DHRS12: variants seen among roughly 807,000 people sequenced by gnomAD.
DHRS12 encodes the protein dehydrogenase/reductase SDR family member 12.
A neutral mutation model predicts 32.1 loss-of-function variants in DHRS12; 29 were observed. The observed-to-expected ratio is 0.90, with a 90% CI of 0.67 to 1.23. The LOEUF (loss-of-function observed/expected upper bound fraction) is 1.23, where lower values mean the gene tolerates loss of function less well. Among genes scored for constraint, DHRS12 ranks in the 50% most tolerant of loss-of-function variants. DHRS12 has a pLI of 0.00. For synonymous variants in DHRS12, 150 were observed against 135.9 expected, an observed-to-expected ratio of 1.10 and a Z score of -0.72; for missense variants, 330 against 337.2, an observed-to-expected ratio of 0.98 and a Z score of 0.17.
downstream of DHRS12, chr13:51,767,750 A>G: frequency 6.9e-6 from 1 of 145,350 alleles, no homozygotes; most frequent in Admixed American, 7.9e-5. Flanking sequence ...GACCATGCAC[A>G]GTAAAGGCAG....
intron 7 of DHRS12, among the ~76,000 whole-genome samples, 196 bp from the exon 8 acceptor site, chr13:51,769,489 T>C (rs1355704869): frequency 6.6e-6 from 1 of 152,172 alleles, no homozygotes; most frequent in Admixed American, 6.5e-5. Context: ...AGGTGTCACC[T>C]GATGGAAAGT....
intron 7 of DHRS12, among the ~76,000 whole-genome samples, chr13:51,769,916 C>T (rs538710731): frequency 1.3e-5 from 2 of 152,328 alleles, no homozygotes; most frequent in Non-Finnish European, 2.9e-5. Flanking sequence ...CCCACGCCTT[C>T]GAGGACCCAG....
intron 7 of DHRS12, 95 bp from the exon 8 acceptor site, chr13:51,769,388 G>A: frequency 3.8e-6 from 4 of 1,042,624 alleles, no homozygotes; most frequent in Non-Finnish European, 5.3e-6. Context: ...GTGCAAAAAT[G>A]AAATGGGATC....
At chr13:51,774,204 CTACATGTATTCTCCTACAG>C in intron 5 of DHRS12, 170 bp from the exon 6 acceptor site, 56 of 599,836 alleles carry the variant, frequency 9.3e-5, no homozygotes, top group African/African-American at 6.7e-4. Flanking sequence ...ATGTATTCTC[CTACATGTATTCTCCTACAG>C]TACATGTATT....
chr13:51,761,144 T>C, the DHRS12 span: 1 of 152,198 alleles, frequency 6.6e-6, no homozygotes, highest in Non-Finnish European at 1.5e-5. Context: ...CACACTTTCT[T>C]ACTAAAACGG....
intron 5 of DHRS12, among the ~76,000 whole-genome samples, 199 bp downstream of exon 5, chr13:51,776,861 G>T (rs1287219421): frequency 6.6e-6 from 1 of 152,114 alleles, no homozygotes; most frequent in Non-Finnish European, 1.5e-5. Context: ...GGGTTGGGGG[G>T]GTTCAGAGAG....
At chr13:51,787,104 G>C (rs959615224) in intron 4 of DHRS12, among the ~76,000 whole-genome samples, 4 of 152,164 alleles carry the variant, frequency 2.6e-5, no homozygotes, top group Non-Finnish European at 5.9e-5. Flanking sequence ...TCACTTGAGA[G>C]AGGATGAATA....
rs148701157 is a variant in DHRS12, at chr13:51,796,258, A to C, written c.126+3276T>G. ...AAGCTGTGGAGTGGGGCCTCTTCAT[A>C]AGCAGGGAGGGACAGCTGATCCCTG... On this transcript the variant is annotated intron_variant, in intron 2 of 8. Coordinates refer to ENST00000444610, the MANE Select transcript of DHRS12 (RefSeq NM_001377533.1). Among the ~76,000 whole-genome samples, 278 of 152,194 alleles carry C rather than the reference A, an allele frequency of 1.8e-3. 1 individual carries two copies. Among genetic ancestry groups the C allele is most frequent in the African/African-American group, 6.5e-3 (268 of 41,516 alleles).
At chr13:51,783,467 A>AAT (rs1256606485) in intron 4 of DHRS12, among the ~76,000 whole-genome samples, 2 of 152,126 alleles carry the variant, frequency 1.3e-5, no homozygotes, top group South Asian at 4.1e-4. Context: ...TTGTTGATAT[A>AAT]ATATATATAT....
At chr13:51,769,462 T>C (rs947651888) in intron 7 of DHRS12, among the ~76,000 whole-genome samples, 169 bp from the exon 8 acceptor site, 3 of 152,032 alleles carry the variant, frequency 2.0e-5, no homozygotes, top group South Asian at 2.1e-4. Context: ...CCAAAGAACC[T>C]TGTTACAAAG....
the DHRS12 span, chr13:51,758,069 C>A: frequency 2.0e-6 from 1 of 491,580 alleles, no homozygotes; most frequent in Non-Finnish European, 3.7e-6. Context: ...ATCTGAGGAG[C>A]ATTCCTGTCA....
downstream of DHRS12, chr13:51,763,997 G>A (rs866269597): frequency 6.6e-6 from 1 of 152,100 alleles, no homozygotes; most frequent in Admixed American, 6.5e-5. Flanking sequence ...AAGATATTTC[G>A]AAGTGAGAGA....
intron 4 of DHRS12, among the ~76,000 whole-genome samples, chr13:51,788,543 A>G (rs903243343): frequency 1.3e-5 from 2 of 152,026 alleles, no homozygotes; most frequent in Non-Finnish European, 2.9e-5. Context: ...GAGATGGAGC[A>G]CGTTTCCACA....
chr13:51,792,001 G>A (rs761703077), intron 2 of DHRS12, among the ~76,000 whole-genome samples: 5 of 152,134 alleles, frequency 3.3e-5, no homozygotes, highest in African/African-American at 9.7e-5. Flanking sequence ...TTCTTCTGTC[G>A]ATGGACATTT....
At chr13:51,772,552 TAGG>T (rs1954080870) in intron 6 of DHRS12, 1 of 868,142 alleles carries the variant, frequency 1.2e-6, no homozygotes, top group African/African-American at 1.8e-5. Context: ...GAGGCTGAGG[TAGG>T]AGAATTGCTT....
In DHRS12 at chr13:51,782,055, G is replaced by A. The variant is rs555389716; in HGVS notation, c.302-4934C>T. ...AAAGGCACGATCACTGCTTGGATATGAGAAGTGAGGGGGTGTCAAGGACAA... is the reference window on the plus strand; with the variant it reads ...AAAGGCACGATCACTGCTTGGATATAAGAAGTGAGGGGGTGTCAAGGACAA... On this transcript the variant is annotated intron_variant, in intron 4 of 8. Transcript: ENST00000444610. This position sits in a 1 kb window ranked among gnomAD's most constrained non-coding sequence, Gnocchi z 4.2. 1.3e-5 allele frequency among the ~76,000 whole-genome samples: 2 copies of A among 152,154 alleles called. No individual in the cohort carries two copies. The highest frequency in any genetic ancestry group is 2.1e-4 in the South Asian group (1 of 4,826).
At chr13:51,789,138 A>T (rs931483729) in intron 4 of DHRS12, among the ~76,000 whole-genome samples, 1 of 152,198 alleles carries the variant, frequency 6.6e-6, no homozygotes, top group Non-Finnish European at 1.5e-5. Context: ...CTTGGTTGGG[A>T]ATAGGGTTGC....
chr13:51,774,010 A>G lies in DHRS12; in HGVS notation c.388T>C (p.Leu130=), dbSNP rs375028382. 1.2e-6 allele frequency: 2 copies of G among 1,613,870 alleles called. No individual in the cohort carries two copies. The highest frequency in any genetic ancestry group is 2.7e-5 in the African/African-American group (2 of 74,890). Reference sequence around the variant, plus strand: ...TCATTGGTGTTCAGTTTCTGAACCAACATTCCTCCTGAGGAGACGGTTATC... The same window carrying G: ...TCATTGGTGTTCAGTTTCTGAACCAGCATTCCTCCTGAGGAGACGGTTATC... ...RVITVSSGGM[L]VQKLNTNDLQ... Residue 130 remains leucine (L), a synonymous_variant, in exon 6 of 9, where the codon TTG becomes CTG. Coordinates refer to ENST00000444610, the MANE Select transcript of DHRS12 (RefSeq NM_001377533.1).
chr13:51,783,625 C>G (rs1215488167), intron 4 of DHRS12, among the ~76,000 whole-genome samples: 1 of 152,202 alleles, frequency 6.6e-6, no homozygotes, highest in Non-Finnish European at 1.5e-5. Context: ...CACAGCCACT[C>G]ACATTCCCTC....
Sources: allele counts gnomAD v4.1 joint callset (sites outside exome capture counted in the v4.1 genomes callset), GRCh38; gene constraint gnomAD v4.1.1; non-coding constraint Gnocchi (gnomAD v3.1); transcripts MANE v1.5; gene names NCBI Gene and HGNC (gene_info 2026-07-23, HGNC 2026-07-21).